Variants in FEZ2 observed in about 807,000 individuals in gnomAD.
FEZ2 encodes the protein fasciculation and elongation protein zeta 2, also known as fasciculation and elongation protein zeta-2.
FEZ2 carries 51 observed loss-of-function variants against 40.4 expected under a neutral mutation model. The observed-to-expected ratio is 1.26, with a 90% CI of 1.01 to 1.59. The LOEUF is 1.59. FEZ2 is among the 40% of genes most tolerant of loss of function. FEZ2 has a pLI of 0.00. For missense variants in FEZ2, 640 were observed against 438.3 expected, an observed-to-expected ratio of 1.46 and a Z score of -4.11; for synonymous variants, 242 against 172.0, an observed-to-expected ratio of 1.41 and a Z score of -3.18.
intron 4 of FEZ2, among the ~76,000 whole-genome samples, chr2:36,580,522 A>T (rs1489226221): frequency 6.6e-6 from 1 of 152,204 alleles, no homozygotes; most frequent in African/African-American, 2.4e-5. Context: ...ATTTATTCAG[A>T]CATTTTTCAT....
intron 1 of FEZ2, 110 bp downstream of exon 1, chr2:36,597,767 C>G: frequency 1.2e-6 from 1 of 846,556 alleles, no homozygotes; most frequent in Non-Finnish European, 1.6e-6. Context: ...CGGGGACTCC[C>G]GCGTCCGGGC....
chr2:36,594,486 G>C (rs188769493), intron 1 of FEZ2: 2 of 197,556 alleles, frequency 1.0e-5, no homozygotes, highest in Non-Finnish European at 2.0e-5. Context: ...GCGGCAGCAA[G>C]GGAAAATGAG....
At chr2:36,597,094 A>G (rs1669247055) in intron 1 of FEZ2, among the ~76,000 whole-genome samples, 1 of 151,916 alleles carries the variant, frequency 6.6e-6, no homozygotes, top group Non-Finnish European at 1.5e-5. Flanking sequence ...CGTTACCATC[A>G]GTAAGCAGGG....
At chr2:36,566,931 C>T (rs1221106385) in intron 5 of FEZ2, among the ~76,000 whole-genome samples, 2 of 146,310 alleles carry the variant, frequency 1.4e-5, no homozygotes, top group Non-Finnish European at 3.0e-5. Context: ...ATTAAAAACA[C>T]ACACATACGC....
At chr2:36,590,688 C>T in intron 2 of FEZ2, 1 of 466,038 alleles carries the variant, frequency 2.1e-6, no homozygotes, top group Non-Finnish European at 3.8e-6. Context: ...AATTTAGCTA[C>T]ACATAAAAAA....
Position 36,598,062 on chromosome 2 carries a change from G to A in FEZ2, c.81C>T (p.Asn27=), listed in dbSNP as rs572818838. The A allele has an allele frequency of 1.1e-5, 17 of 1,491,346 alleles. No homozygotes were observed. The highest frequency in any genetic ancestry group is 1.4e-5 in the Non-Finnish European group (16 of 1,126,782). 92.4% of individuals were successfully genotyped at this position (1,491,346 alleles called of 1,614,324 possible). A position where few individuals can be genotyped will look rare whatever the true frequency, so the allele number is the denominator to read the frequency against. The change falls in exon 1 of 8, where the codon AAC becomes AAT. Residue 27 remains asparagine, a synonymous_variant. Coordinates refer to ENST00000405912, the MANE Select transcript of FEZ2 (RefSeq NM_005102.3). The part of the protein sequence containing the change: ...ARSLLDQENC[N]ASPEPGAEAG... ...CCTCCGCCCCAGGCTCGGGGCTCGC[G>A]TTACAGTTCTCCTGGTCCAGGAGGC...
intron 2 of FEZ2, 120 bp from the exon 3 acceptor site, chr2:36,583,589 G>C (rs745464413): frequency 2.4e-5 from 15 of 627,882 alleles, no homozygotes; most frequent in Non-Finnish European, 4.0e-5. Flanking sequence ...TCAAGAGGGA[G>C]AAATTATTAC....
chr2:36,564,109 A>C (rs981022975), intron 5 of FEZ2, among the ~76,000 whole-genome samples: 1 of 152,282 alleles, frequency 6.6e-6, no homozygotes, highest in East Asian at 1.9e-4. Context: ...AGATCAGTAA[A>C]GTGCTAAGAA....
chr2:36,558,601 G>T, intron 5 of FEZ2, 88 bp from the exon 6 acceptor site: 2 of 649,832 alleles, frequency 3.1e-6, no homozygotes, highest in Non-Finnish European at 5.0e-6. Context: ...AGGTCTATCT[G>T]ATAATATAAA....
At chr2:36,557,148 C>G (rs1445433203) in intron 6 of FEZ2, 2 of 152,128 alleles carry the variant, frequency 1.3e-5, no homozygotes, top group Non-Finnish European at 2.9e-5. Flanking sequence ...TTTTTTCTAA[C>G]TTCTAAATAA....
intron 4 of FEZ2, chr2:36,579,093 C>A: frequency 2.2e-6 from 1 of 455,608 alleles, no homozygotes; most frequent in Non-Finnish European, 3.8e-6. Context: ...CACTTCTCAG[C>A]TTGCTGGCAA....
rs1669287595 is a variant in FEZ2, at chr2:36,597,963, C to T, written c.180G>A (p.Leu60=). The T allele has an allele frequency of 1.9e-5, 28 of 1,474,954 alleles. No homozygotes were observed. Among genetic ancestry groups the T allele is most frequent in the Non-Finnish European group, 2.0e-5 (22 of 1,119,492 alleles). The allele number at this position is 1,474,954 out of a possible 1,614,324, so 91.4% of individuals were successfully genotyped here. A position where few individuals can be genotyped will look rare whatever the true frequency, so the allele number is the denominator to read the frequency against. Residue 60 remains leucine, a synonymous_variant, in exon 1 of 8, where the codon CTG becomes CTA. Transcript: ENST00000405912. ...PACSLEEKLS[L]CFRPSDPGAE... ...CGCCCGGATCCGAGGGGCGGAAGCA[C>T]AGGCTCAGCTTCTCCTCCAAGCTGC...
At chr2:36,587,067 A>C in intron 2 of FEZ2, among the ~76,000 whole-genome samples, 1 of 152,254 alleles carries the variant, frequency 6.6e-6, no homozygotes, top group Non-Finnish European at 1.5e-5. Flanking sequence ...TGGAAGGAGA[A>C]ATACAGCACA....
intron 6 of FEZ2, 48 bp downstream of exon 6, chr2:36,558,390 A>T (rs1056300799): frequency 2.0e-5 from 24 of 1,210,180 alleles, no homozygotes; most frequent in Non-Finnish European, 2.8e-5. Context: ...GGTGTTTACC[A>T]ATCAGCAAAA....
At chr2:36,560,392 C>A (rs925390861) in intron 5 of FEZ2, among the ~76,000 whole-genome samples, 1 of 152,162 alleles carries the variant, frequency 6.6e-6, no homozygotes, top group African/African-American at 2.4e-5. Context: ...GACATCTGGC[C>A]TTCTTCCCCC....
intron 5 of FEZ2, among the ~76,000 whole-genome samples, chr2:36,566,852 A>G (rs1406785008): frequency 6.6e-6 from 1 of 152,202 alleles, no homozygotes; most frequent in African/African-American, 2.4e-5. Flanking sequence ...TTAACTTTAA[A>G]CGTCTTCTTA....
intron 6 of FEZ2, chr2:36,557,029 T>A (rs1412549858): frequency 6.6e-6 from 1 of 152,230 alleles, no homozygotes; most frequent in Non-Finnish European, 1.5e-5. Context: ...TTGTTCTTGA[T>A]CTGAGAAGCT....
intron 1 of FEZ2, chr2:36,594,448 GC>G (rs1669155232): frequency 5.0e-6 from 1 of 199,348 alleles, no homozygotes; most frequent in Admixed American, 5.8e-5. Flanking sequence ...CAGAATCATG[GC>G]AGGAGGCAAA....
intron 5 of FEZ2, among the ~76,000 whole-genome samples, chr2:36,574,317 G>A (rs1336419359): frequency 6.6e-6 from 1 of 152,086 alleles, no homozygotes; most frequent in African/African-American, 2.4e-5. Context: ...TTTGACACCT[G>A]GCAGAAAGAT....
Sources: allele counts gnomAD v4.1 joint callset (sites outside exome capture counted in the v4.1 genomes callset), GRCh38; gene constraint gnomAD v4.1.1; transcripts MANE v1.5; gene names NCBI Gene and HGNC (gene_info 2026-07-23, HGNC 2026-07-21).